Variants in UACA observed in about 807,000 individuals in gnomAD.
UACA encodes the protein uveal autoantigen with coiled-coil domains and ankyrin repeats, also known as nuclear membrane binding protein.
Under a neutral mutation model 160.5 loss-of-function variants are expected in UACA, and 112 were observed. The observed-to-expected ratio is 0.70, with a 90% CI of 0.60 to 0.82. The LOEUF is 0.82. Among genes scored for constraint, UACA ranks in the 40% least tolerant of loss-of-function variants. The pLI, the probability that UACA is intolerant of heterozygous loss-of-function variation, is 0.00. For synonymous variants in UACA, 557 were observed against 568.4 expected, an observed-to-expected ratio of 0.98 and a Z score of 0.29; for missense variants, 1,574 against 1,614.6, an observed-to-expected ratio of 0.97 and a Z score of 0.43.
At chr15:70,706,707 C>G (rs1898533472) in intron 1 of UACA, among the ~76,000 whole-genome samples, 1 of 151,916 alleles carries the variant, frequency 6.6e-6, no homozygotes, top group South Asian at 2.1e-4. Context: ...ACAATACCTT[C>G]AAAAATAATA....
intron 1 of UACA, among the ~76,000 whole-genome samples, chr15:70,719,850 C>G (rs1309736172): frequency 2.0e-5 from 3 of 152,084 alleles, no homozygotes; most frequent in Non-Finnish European, 4.4e-5. Context: ...GAAAAGTTAC[C>G]CTTCCTACAT....
chr15:70,729,140 G>C (rs1175834577), intron 1 of UACA, among the ~76,000 whole-genome samples: 1 of 152,160 alleles, frequency 6.6e-6, no homozygotes, highest in East Asian at 1.9e-4. Context: ...ATTTCTCAAA[G>C]AACTGAAAAT....
rs535249926 is a variant in UACA, at chr15:70,750,553, C to A, written c.78+12777G>T. The stretch of plus-strand genomic sequence containing the variant: ...TTAACCTTTCCTAGATCACTCCTAT[C>A]CACTTCTTTCAAATCTCAAGAAGCT... On this transcript the variant is annotated intron_variant, in intron 1 of 18. Coordinates refer to ENST00000322954, the MANE Select transcript of UACA (RefSeq NM_018003.4). Among the ~76,000 whole-genome samples the A allele has an allele frequency of 1.6e-4, 25 of 152,282 alleles. No individual in the cohort carries two copies. In the South Asian group the frequency reaches 4.8e-3, roughly 29 times the overall value.
upstream of UACA, among the ~76,000 whole-genome samples, chr15:70,767,263 ACAAAAAC>A (rs1406716342): frequency 0.01 from 1,377 of 136,348 alleles, 133 homozygotes; most frequent in African/African-American, 0.029. Context: ...AAAACAAAAA[ACAAAAAC>A]AAAAACAACA....
rs181136850 is a variant in UACA at position 70,740,282 on chromosome 15, T to C, written c.78+23048A>G. 2.1e-3 allele frequency among the ~76,000 whole-genome samples: 325 copies of C among 152,270 alleles called. 1 individual carries two copies. The highest frequency in any genetic ancestry group is 2.3e-3 in the Non-Finnish European group (156 of 68,030). ...TTCATGTGCAAATCTGTGATAGCAC[T>C]GGCCAAGTAAAGTCATATATACAAG... On this transcript the variant is annotated intron_variant, in intron 1 of 18. Coordinates refer to ENST00000322954, the MANE Select transcript of UACA (RefSeq NM_018003.4).
At position 70,668,092 on chromosome 15, in the gene UACA, G is replaced by T; in HGVS notation, c.2592C>A (p.Thr864=). The change falls in exon 16 of 19, where the codon ACC becomes ACA. Residue 864 remains threonine (T), a synonymous_variant. Coordinates refer to ENST00000322954, the MANE Select transcript of UACA (RefSeq NM_018003.4). Reference sequence around the variant, plus strand: ...TCAGTGTCATTTTAACCTCTTCATGGGTTTTAACTGGCACATACTGATTAC... The same window carrying T: ...TCAGTGTCATTTTAACCTCTTCATGTGTTTTAACTGGCACATACTGATTAC... ...MMSNQYVPVK[T]HEEVKMTLND... 6.2e-7 allele frequency: 1 copy of T among 1,613,308 alleles called. No individual in the cohort carries two copies. Among genetic ancestry groups the T allele is most frequent in the East Asian group, 2.2e-5 (1 of 44,854 alleles).
chr15:70,703,182 G>A (rs1898424869), intron 1 of UACA: 1 of 1,282,532 alleles, frequency 7.8e-7, no homozygotes. Flanking sequence ...TGTGGTGGCT[G>A]TTGTTGTTGT....
rs189544904 is a variant in UACA, at chr15:70,716,081, A to G, written c.79-16421T>C. ...ATCAAGAAATGACATTTATTTCCTC[A>G]TCCGTTGAATCCTTGAATCCGGCCT... is the stretch of plus-strand genomic sequence containing the variant. On this transcript the variant is annotated intron_variant, in intron 1 of 18. Transcript: ENST00000322954. Among the ~76,000 whole-genome samples, 180 of 152,276 alleles carry G rather than the reference A, an allele frequency of 1.2e-3. 2 individuals are homozygous for G. Among genetic ancestry groups the G allele is most frequent in the Middle Eastern group, 0.01 (3 of 294 alleles).
intron 11 of UACA, among the ~76,000 whole-genome samples, chr15:70,677,427 C>T (rs1372566700): frequency 6.6e-6 from 1 of 152,138 alleles, no homozygotes; most frequent in Non-Finnish European, 1.5e-5. Context: ...ATCCCATGGC[C>T]CTAACTATAG....
At chr15:70,677,914 A>G (rs1175634795) in intron 11 of UACA, among the ~76,000 whole-genome samples, 185 bp downstream of exon 11, 2 of 152,054 alleles carry the variant, frequency 1.3e-5, no homozygotes, top group Non-Finnish European at 2.9e-5. Context: ...CATTCTTTAC[A>G]CTGTCCTTAC....
chr15:70,729,424 T>C (rs185695133), intron 1 of UACA, among the ~76,000 whole-genome samples: 2 of 152,246 alleles, frequency 1.3e-5, no homozygotes, highest in East Asian at 3.9e-4. Context: ...CCACGCAAAT[T>C]AATGCAGAAA....
intron 1 of UACA, among the ~76,000 whole-genome samples, chr15:70,747,117 T>TA: frequency 6.6e-6 from 1 of 152,116 alleles, no homozygotes; most frequent in Non-Finnish European, 1.5e-5. Flanking sequence ...TCCCAGAACT[T>TA]AAAGTATAAT....
intron 16 of UACA, 22 bp downstream of exon 16, chr15:70,666,702 G>C (rs192393047): frequency 6.4e-7 from 1 of 1,559,302 alleles, no homozygotes; most frequent in Non-Finnish European, 8.7e-7. Flanking sequence ...ACACATAGCC[G>C]TGCAGACTAC....
At chr15:70,678,857 T>C (rs182544050) in intron 10 of UACA, among the ~76,000 whole-genome samples, 569 of 152,212 alleles carry the variant, frequency 3.7e-3, no homozygotes, top group Non-Finnish European at 7.0e-3. Flanking sequence ...TCAATCAAAA[T>C]AGAAAATACT....
Position 70,667,047 on chromosome 15 carries a change from G to T in UACA, c.3637C>A (p.Gln1213Lys). The change falls in exon 16 of 19, where the codon CAA (glutamine) becomes AAA (lysine). Residue 1213 changes from glutamine (Q) to lysine (K), a missense_variant. By Grantham distance (53) the Gln-to-Lys change is moderately conservative (BLOSUM62 1). Coordinates refer to ENST00000322954, the MANE Select transcript of UACA (RefSeq NM_018003.4). ...CTAGTCTCTAATTTTTTTAATGCTT[G>T]TTTAGTATTCTGAACCTCCGACTGA... The part of the protein sequence containing the change: ...KLQSEVQNTK[Q>K]ALKKLETREV... The T allele has an allele frequency of 6.2e-7, 1 of 1,613,332 alleles. No individual in the cohort carries two copies. The highest frequency in any genetic ancestry group is 1.3e-5 in the African/African-American group (1 of 74,966).
intron 1 of UACA, among the ~76,000 whole-genome samples, chr15:70,748,638 T>C (rs964593640): frequency 6.6e-6 from 1 of 152,010 alleles, no homozygotes; most frequent in African/African-American, 2.4e-5. Context: ...TCCCTTTCCC[T>C]GTTCATTCTA....
At chr15:70,702,270 C>A in intron 1 of UACA, 2 of 1,046,190 alleles carry the variant, frequency 1.9e-6, no homozygotes, top group Non-Finnish European at 2.3e-6. Flanking sequence ...CTGCATCCTG[C>A]TGCCTCAACA....
upstream of UACA, among the ~76,000 whole-genome samples, chr15:70,765,504 C>G (rs2030988703): frequency 6.6e-6 from 1 of 152,174 alleles, no homozygotes; most frequent in East Asian, 1.9e-4. Context: ...CAAATAGTTA[C>G]AGCAATTATA....
At chr15:70,746,480 G>GAAAC (rs138982052) in intron 1 of UACA, among the ~76,000 whole-genome samples, 27,825 of 151,900 alleles carry the variant, frequency 0.18, 3,918 homozygotes, top group African/African-American at 0.4. Context: ...AAAAAGTCAG[G>GAAAC]AAACAGATGC....
Sources: allele counts gnomAD v4.1 joint callset (sites outside exome capture counted in the v4.1 genomes callset), GRCh38; gene constraint gnomAD v4.1.1; transcripts MANE v1.5; gene names NCBI Gene and HGNC (gene_info 2026-07-23, HGNC 2026-07-21).